Variants in DOP1B observed in about 807,000 individuals in gnomAD.
The protein encoded by DOP1B is DOP1 leucine zipper like protein B, also known as protein DOP1B.
DOP1B carries 174 observed loss-of-function variants against 233.5 expected under a neutral mutation model. That is an observed-to-expected ratio of 0.75 (90% CI 0.66 to 0.85). The LOEUF is 0.85. DOP1B is among the 40% of genes least tolerant of loss of function. The probability of loss-of-function intolerance (pLI) is 0.00; values close to 1 mark genes in which losing one functional copy is unlikely to be tolerated. For synonymous variants in DOP1B, 1,190 were observed against 1,185.6 expected, an observed-to-expected ratio of 1.00 and a Z score of -0.08; for missense variants, 2,652 against 2,846.6, an observed-to-expected ratio of 0.93 and a Z score of 1.56.
chr21:36,173,714 C>T (rs925441830), intron 2 of DOP1B, among the ~76,000 whole-genome samples: 9 of 152,166 alleles, frequency 5.9e-5, no homozygotes, highest in South Asian at 2.1e-4. Context: ...TGAGCCGCCG[C>T]GCCCGGCCCA....
intron 18 of DOP1B, among the ~76,000 whole-genome samples, chr21:36,243,074 G>T (rs1424110231): frequency 6.6e-6 from 1 of 151,424 alleles, no homozygotes; most frequent in Non-Finnish European, 1.5e-5. Context: ...CTGCCTTCCA[G>T]GTTCAAGCCA....
intron 28 of DOP1B, 36 bp from the exon 29 acceptor site, chr21:36,277,939 G>C (rs2067371093): frequency 1.3e-6 from 2 of 1,573,498 alleles, no homozygotes; most frequent in Non-Finnish European, 1.7e-6. Flanking sequence ...GTCGCACCTG[G>C]CCAGTTTCTG....
chr21:36,208,943 G>A (rs761004187), intron 5 of DOP1B, 39 bp downstream of exon 5: 17 of 1,469,600 alleles, frequency 1.2e-5, no homozygotes, highest in Admixed American at 5.0e-5. Context: ...GGGAGGAGGC[G>A]ACATGTGGGC....
At chr21:36,274,402 G>A (rs1401604664) in intron 27 of DOP1B, among the ~76,000 whole-genome samples, 2 of 152,122 alleles carry the variant, frequency 1.3e-5, no homozygotes, top group African/African-American at 4.8e-5. Context: ...TTTGGCTTAA[G>A]CAATTTACCA....
intron 2 of DOP1B, chr21:36,168,919 A>C: frequency 2.0e-6 from 1 of 509,256 alleles, no homozygotes; most frequent in East Asian, 3.8e-5. Context: ...TAATAATTTT[A>C]AAAAATAACT....
At chr21:36,173,825 T>G (rs2065995354) in intron 2 of DOP1B, among the ~76,000 whole-genome samples, 1 of 151,056 alleles carries the variant, frequency 6.6e-6, no homozygotes, top group African/African-American at 2.4e-5. Flanking sequence ...CTAATAGAAA[T>G]AAATTAACTC....
chr21:36,236,109 A>G (rs1014028555), intron 15 of DOP1B, among the ~76,000 whole-genome samples: 1 of 152,250 alleles, frequency 6.6e-6, no homozygotes, highest in African/African-American at 2.4e-5. Context: ...TAAACTTCAT[A>G]TAGTCTATGA....
At chr21:36,184,710 G>A (rs2252991) in intron 2 of DOP1B, among the ~76,000 whole-genome samples, 55,933 of 152,036 alleles carry the variant, frequency 0.37, 11,359 homozygotes, top group African/African-American at 0.56. Context: ...CAGGCTGCCC[G>A]GCATACGCAG....
At chr21:36,176,184 C>T (rs1413421823) in intron 2 of DOP1B, among the ~76,000 whole-genome samples, 1 of 151,252 alleles carries the variant, frequency 6.6e-6, no homozygotes, top group East Asian at 1.9e-4. Context: ...ATTTGTGCCC[C>T]CTCCACCGCA....
intron 32 of DOP1B, among the ~76,000 whole-genome samples, chr21:36,285,513 G>A (rs561434557): frequency 1.1e-4 from 17 of 152,182 alleles, no homozygotes; most frequent in African/African-American, 3.6e-4. Flanking sequence ...ACATGTTGTC[G>A]TTGTCCCCAG....
rs2067379595 is a variant in DOP1B at position 36,278,446 on chromosome 21, G to T, written c.5969+91G>T. 2.8e-6 allele frequency: 4 copies of T among 1,412,638 alleles called. No individual in the cohort carries two copies. The South Asian group carries it at 5.3e-5, about 19-fold the overall frequency. The allele number at this position is 1,412,638 out of a possible 1,614,324, so 87.5% of individuals were successfully genotyped here. On this transcript the variant is annotated intron_variant, in intron 30 of 36. Transcript: ENST00000691173. ...CAGAATTCTCATTCCTGAAATAGAA[G>T]CAGAGCCATAGGATCAACCCAAATA...
chr21:36,219,564 G>C, intron 10 of DOP1B, 72 bp downstream of exon 10: 1 of 1,576,572 alleles, frequency 6.3e-7, no homozygotes. Flanking sequence ...TTCCTCTCTT[G>C]CTTACTATAA....
chr21:36,283,177 G>A (rs1041183042), intron 32 of DOP1B, among the ~76,000 whole-genome samples: 1 of 151,856 alleles, frequency 6.6e-6, no homozygotes, highest in African/African-American at 2.4e-5. Flanking sequence ...CGCCTCCTAG[G>A]TTCAAGTGAT....
intron 22 of DOP1B, among the ~76,000 whole-genome samples, chr21:36,253,151 T>C (rs2067051158): frequency 6.6e-6 from 1 of 152,226 alleles, no homozygotes; most frequent in Non-Finnish European, 1.5e-5. Flanking sequence ...ATCAAAAATA[T>C]GCCTCCCATA....
chr21:36,246,971 C>T lies in DOP1B; in HGVS notation c.4697+294C>T, dbSNP rs1220404299. On this transcript the variant is annotated intron_variant, in intron 19 of 36. Coordinates refer to ENST00000691173, the MANE Select transcript of DOP1B (RefSeq NM_001320714.2). This position sits in a 1 kb window ranked among gnomAD's most constrained non-coding sequence, Gnocchi z 5.1. ...CTCAGCTCACTGCAACCTCTGCCTCCCAGGTTCAAACAATTCTCCTGTCTC... is the reference window on the plus strand; with the variant it reads ...CTCAGCTCACTGCAACCTCTGCCTCTCAGGTTCAAACAATTCTCCTGTCTC... Among the ~76,000 whole-genome samples, 1 of 152,118 alleles carries T rather than the reference C, an allele frequency of 6.6e-6. No individual in the cohort carries two copies. Among genetic ancestry groups the T allele is most frequent in the Non-Finnish European group, 1.5e-5 (1 of 68,028 alleles).
chr21:36,270,031 C>T lies in DOP1B; in HGVS notation c.5506C>T (p.Leu1836=). 1 of 1,613,970 alleles carries T rather than the reference C, an allele frequency of 6.2e-7. No individual in the cohort carries two copies. Among genetic ancestry groups the T allele is most frequent in the Non-Finnish European group, 8.5e-7 (1 of 1,179,970 alleles). Residue 1836 remains leucine, a synonymous_variant, in exon 27 of 37, where the codon CTA becomes TTA. Coordinates refer to ENST00000691173, the MANE Select transcript of DOP1B (RefSeq NM_001320714.2). The stretch of plus-strand genomic sequence containing the variant: ...TTCTCAGGAAATCACTCAGAAAATC[C>T]TAGAAGCTGTGGGGAACATTGCCGG... ...KDLQEITQKI[L]EAVGNIAGSS... is the part of the protein sequence containing the mutation.
intron 2 of DOP1B, among the ~76,000 whole-genome samples, chr21:36,189,494 G>A (rs1218692892): frequency 2.0e-5 from 3 of 152,226 alleles, no homozygotes; most frequent in Non-Finnish European, 4.4e-5. Context: ...CAGCACTTTG[G>A]GAGGCCAAGA....
At chr21:36,159,426 G>A (rs2065850635) in intron 1 of DOP1B, among the ~76,000 whole-genome samples, 1 of 152,100 alleles carries the variant, frequency 6.6e-6, no homozygotes, top group Non-Finnish European at 1.5e-5. Flanking sequence ...ACTCCAGCCC[G>A]GTCAACAAGA....
Position 36,168,706 on chromosome 21 carries a change from A to T in DOP1B, c.138+3835A>T, listed in dbSNP as rs184890504. ...CATGCCTGGCTAATTTTTTATTTTT[A>T]CTTTTTAATACAGATGGGGTTTCAC... On this transcript the variant is annotated intron_variant, in intron 2 of 36. Transcript: ENST00000691173. 1.2e-3 allele frequency among the ~76,000 whole-genome samples: 182 copies of T among 151,118 alleles called. 1 individual carries two copies. The highest frequency in any genetic ancestry group is 1.6e-3 in the Admixed American group (24 of 15,170).
Sources: gnomAD v4.1 joint callset for allele counts (sites outside exome capture counted in the v4.1 genomes callset) on GRCh38, gnomAD v4.1.1 for gene constraint, Gnocchi (gnomAD v3.1) non-coding constraint, MANE v1.5 for transcripts, NCBI Gene and HGNC (gene_info 2026-07-23, HGNC 2026-07-21) for gene names.